The following DGKI variants were observed in gnomAD, a reference collection of about 807,000 sequenced individuals.
DGKI encodes the protein diacylglycerol kinase iota.
DGKI carries 55 observed loss-of-function variants against 147.5 expected under a neutral mutation model. The ratio of observed to expected loss-of-function variants is 0.37; its 90% confidence interval spans 0.30 to 0.47. The LOEUF (loss-of-function observed/expected upper bound fraction) is 0.47. Ranked by LOEUF, DGKI falls within the 20% of genes least tolerant of loss-of-function variation. The pLI, the probability that DGKI is intolerant of heterozygous loss-of-function variation, is 1.00. For synonymous variants in DGKI, 469 were observed against 477.1 expected, an observed-to-expected ratio of 0.98 and a Z score of 0.22; for missense variants, 1,007 against 1,323.8, an observed-to-expected ratio of 0.76 and a Z score of 3.71.
At chr7:137,751,022 C>T (rs1202714312) in intron 1 of DGKI, among the ~76,000 whole-genome samples, 1 of 152,122 alleles carries the variant, frequency 6.6e-6, no homozygotes, top group African/African-American at 2.4e-5. Flanking sequence ...TCTGTAAAGG[C>T]CACTTCTAGT....
intron 17 of DGKI, among the ~76,000 whole-genome samples, chr7:137,573,660 C>T (rs1818868982): frequency 6.6e-6 from 1 of 152,338 alleles, no homozygotes; most frequent in South Asian, 2.1e-4. Flanking sequence ...CCGCCTTGGC[C>T]TCACAAAGTG....
At chr7:137,424,542 C>T (rs1357257592) in intron 28 of DGKI, among the ~76,000 whole-genome samples, 3 of 152,126 alleles carry the variant, frequency 2.0e-5, no homozygotes, top group Non-Finnish European at 4.4e-5. Flanking sequence ...GGGCACAGGA[C>T]AGTGGATGCA....
intron 3 of DGKI, among the ~76,000 whole-genome samples, chr7:137,661,923 A>T (rs1423483910): frequency 6.6e-6 from 1 of 152,234 alleles, no homozygotes; most frequent in African/African-American, 2.4e-5. Context: ...TCTCTCTGGC[A>T]ACATACACAA....
intron 28 of DGKI, among the ~76,000 whole-genome samples, chr7:137,435,039 A>G (rs1201138197): frequency 1.3e-5 from 2 of 152,214 alleles, no homozygotes; most frequent in East Asian, 3.9e-4. Context: ...GGAGTGACCT[A>G]TCTTCTACAA....
chr7:137,795,419 C>T (rs761845961), intron 1 of DGKI, among the ~76,000 whole-genome samples: 18 of 152,226 alleles, frequency 1.2e-4, no homozygotes, highest in Non-Finnish European at 1.6e-4. Context: ...TTCTCATTCA[C>T]ATGGAATTAT....
In DGKI at chr7:137,385,008, C is replaced by T. The variant is rs1168953447; in HGVS notation, c.*6212G>A. On this transcript the variant is annotated 3_prime_UTR_variant, in exon 33 of 33. Transcript: ENST00000614521. ...CCTTTCATGTACATTTACTTGGCTCCCAAATACCTTACAGGCAGAATTTTC... is the reference window on the plus strand; with the variant it reads ...CCTTTCATGTACATTTACTTGGCTCTCAAATACCTTACAGGCAGAATTTTC... 6.6e-6 allele frequency: 1 copy of T among 151,980 alleles called. No individual in the cohort carries two copies. Among genetic ancestry groups the T allele is most frequent in the African/African-American group, 2.4e-5 (1 of 41,388 alleles). 9.4% of individuals were successfully genotyped at this position (151,980 alleles called of 1,614,324 possible).
intron 5 of DGKI, among the ~76,000 whole-genome samples, chr7:137,650,378 T>C (rs1277576252): frequency 6.6e-6 from 1 of 152,130 alleles, no homozygotes; most frequent in Non-Finnish European, 1.5e-5. Context: ...GTATACAAAG[T>C]GCCCTGAAAA....
intron 20 of DGKI, among the ~76,000 whole-genome samples, chr7:137,522,918 G>A (rs1817013416): frequency 6.7e-6 from 1 of 149,298 alleles, no homozygotes; most frequent in Admixed American, 6.7e-5. Flanking sequence ...TTCTCATACA[G>A]AGGCTTCTCT....
rs561025397 is a variant in DGKI, at chr7:137,441,290, G to A, written c.2761+2787C>T. The stretch of plus-strand genomic sequence containing the variant: ...CAAAAAATTAGCCGGGCATGGTGGC[G>A]GCCGCCTGTAGTCCCAGCTACTTGG... On this transcript the variant is annotated intron_variant, in intron 28 of 32. Coordinates refer to ENST00000614521, the MANE Select transcript of DGKI (RefSeq NM_001321708.2). Among the ~76,000 whole-genome samples the A allele has an allele frequency of 2.7e-3, 413 of 151,940 alleles. 2 individuals carry two copies. Among genetic ancestry groups the A allele is most frequent in the African/African-American group, 9.4e-3 (389 of 41,440 alleles).
chr7:137,540,811 A>T (rs1232235807), intron 20 of DGKI, among the ~76,000 whole-genome samples: 1 of 148,274 alleles, frequency 6.7e-6, no homozygotes, highest in Non-Finnish European at 1.5e-5. Context: ...CTCCAAAAAC[A>T]TGAACTACTT....
chr7:137,609,019 G>A lies in DGKI; in HGVS notation c.1114C>T (p.Pro372Ser). 1 of 1,613,792 alleles carries A rather than the reference G, an allele frequency of 6.2e-7. No individual in the cohort carries two copies. The highest frequency in any genetic ancestry group is 8.5e-7 in the Non-Finnish European group (1 of 1,179,756). ...AATACAAGCAAGGGTTTCATGAGAG[G>A]AGAAGAGATGGGTTTTATCACAAAA... ...RPFVIKPISSPLMKPLLVFVN... is the reference protein window; with the variant it reads ...RPFVIKPISSSLMKPLLVFVN... The change falls in exon 10 of 33, where the codon CCT becomes TCT. Residue 372 changes from proline to serine, a missense_variant. Pro to Ser is a moderately conservative substitution (Grantham distance 74, BLOSUM62 -1). Transcript: ENST00000614521.
rs1563145195 is a variant in DGKI at position 137,676,216 on chromosome 7, A to AGCCTGCCCATTTCAGCCTG, written c.606+2340_606+2341insCAGGCTGAAATGGGCAGGC. On this transcript the variant is annotated intron_variant, in intron 3 of 32. Coordinates refer to ENST00000614521, the MANE Select transcript of DGKI (RefSeq NM_001321708.2). ...ATGATGAGCCTGCCCATTTCAGCCT[A>AGCCTGCCCATTTCAGCCTG]AACCAACCAGCAGCAACTATTACCA... is the stretch of plus-strand genomic sequence containing the variant. Among the ~76,000 whole-genome samples the AGCCTGCCCATTTCAGCCTG allele has an allele frequency of 2.4e-4, 37 of 152,306 alleles. No individual in the cohort carries two copies. The South Asian group carries it at 6.8e-3, about 28-fold the overall frequency.
intron 5 of DGKI, among the ~76,000 whole-genome samples, chr7:137,650,188 T>A (rs182097100): frequency 1.3e-5 from 2 of 152,306 alleles, no homozygotes; most frequent in Non-Finnish European, 2.9e-5. Flanking sequence ...TTCATAAACA[T>A]TTTGAGAGAA....
chr7:137,816,462 G>T, intron 1 of DGKI, among the ~76,000 whole-genome samples: 1 of 152,152 alleles, frequency 6.6e-6, no homozygotes, highest in East Asian at 1.9e-4. Context: ...TAACTACTGT[G>T]ATTATTCCAG....
At chr7:137,486,595 T>C (rs1815569223) in intron 22 of DGKI, among the ~76,000 whole-genome samples, 2 of 152,116 alleles carry the variant, frequency 1.3e-5, no homozygotes, top group South Asian at 2.1e-4. Context: ...TTGTTGACCA[T>C]CTTTCTCTCA....
chr7:137,837,954 C>T (rs930023280), intron 1 of DGKI, among the ~76,000 whole-genome samples: 3 of 151,072 alleles, frequency 2.0e-5, no homozygotes, highest in African/African-American at 7.3e-5. Context: ...CATGCCACAC[C>T]TTAGTCTTTG....
chr7:137,398,839 A>G (rs190360302), intron 30 of DGKI, among the ~76,000 whole-genome samples: 1 of 152,030 alleles, frequency 6.6e-6, no homozygotes, highest in East Asian at 2.0e-4. Flanking sequence ...GAACATTATT[A>G]GCATGCAGAA....
At chr7:137,670,700 T>C (rs1822812656) in intron 3 of DGKI, among the ~76,000 whole-genome samples, 1 of 152,202 alleles carries the variant, frequency 6.6e-6, no homozygotes, top group Non-Finnish European at 1.5e-5. Flanking sequence ...TGGCAGAGAA[T>C]GGCTGGCACC....
intron 21 of DGKI, among the ~76,000 whole-genome samples, chr7:137,496,074 A>C (rs559649600): frequency 2.6e-4 from 40 of 152,274 alleles, no homozygotes; most frequent in African/African-American, 7.9e-4. Flanking sequence ...GTCTCTGCCC[A>C]AAATCTCCTT....
Sources: gnomAD v4.1 joint callset for allele counts (sites outside exome capture counted in the v4.1 genomes callset) on GRCh38, gnomAD v4.1.1 for gene constraint, MANE v1.5 for transcripts, NCBI Gene and HGNC (gene_info 2026-07-23, HGNC 2026-07-21) for gene names.